FARS2: variants seen among roughly 807,000 people sequenced by gnomAD.
FARS2 encodes the protein phenylalanyl-tRNA synthetase 2, mitochondrial, also known as phenylalanine--tRNA ligase, mitochondrial.
Under a neutral mutation model 46.4 loss-of-function variants are expected in FARS2, and 40 were observed. That is an observed-to-expected ratio of 0.86 (90% CI 0.67 to 1.12). The LOEUF (loss-of-function observed/expected upper bound fraction) is 1.12. FARS2 is among the 50% of genes most tolerant of loss of function. FARS2 has a pLI of 0.00. For synonymous variants in FARS2, 234 were observed against 214.9 expected (o/e 1.09, Z -0.78); for missense variants, 513 against 567.9 (o/e 0.90, Z 0.98).
intron 4 of FARS2, among the ~76,000 whole-genome samples, chr6:5,474,003 C>G (rs1206899350): frequency 6.6e-6 from 1 of 152,190 alleles, no homozygotes; most frequent in Non-Finnish European, 1.5e-5. Context: ...CTCAGGATCC[C>G]TCCTGTTACC....
intron 5 of FARS2, among the ~76,000 whole-genome samples, chr6:5,596,143 T>A (rs1774184667): frequency 6.6e-6 from 1 of 152,126 alleles, no homozygotes; most frequent in South Asian, 2.1e-4. Flanking sequence ...CCCTAAGAGA[T>A]AGGAGAGGTG....
intron 4 of FARS2, among the ~76,000 whole-genome samples, chr6:5,539,483 T>G (rs1003949865): frequency 1.5e-4 from 23 of 150,926 alleles, no homozygotes; most frequent in African/African-American, 5.6e-4. Context: ...CTGCCCGCCT[T>G]GGCCTCCCAA....
intron 6 of FARS2, among the ~76,000 whole-genome samples, chr6:5,672,300 C>G (rs1778514341): frequency 6.6e-6 from 1 of 152,214 alleles, no homozygotes; most frequent in African/African-American, 2.4e-5. Flanking sequence ...CCACCTCAGC[C>G]TCACTATCCC....
intron 5 of FARS2, among the ~76,000 whole-genome samples, chr6:5,588,719 C>T (rs537605823): frequency 9.4e-4 from 143 of 152,322 alleles, no homozygotes; most frequent in Middle Eastern, 3.4e-3. Context: ...CAGTAATCAC[C>T]GTTTATTTGA....
intron 4 of FARS2, among the ~76,000 whole-genome samples, chr6:5,486,746 T>C (rs1310081403): frequency 6.6e-6 from 1 of 152,202 alleles, no homozygotes; most frequent in African/African-American, 2.4e-5. Flanking sequence ...TCCCCCGTGG[T>C]CAGCTGTCAG....
chr6:5,408,442 G>A lies in FARS2; in HGVS notation c.772+3741G>A, dbSNP rs142858847. On this transcript the variant is annotated intron_variant, in intron 3 of 6. Coordinates refer to ENST00000274680, the MANE Select transcript of FARS2 (RefSeq NM_006567.5). ...GTCCACGGAAAGAAGGAAAGAAGAGGCAAGGGGAAGAAAAATGATTGACAG... is the reference window on the plus strand; with the variant it reads ...GTCCACGGAAAGAAGGAAAGAAGAGACAAGGGGAAGAAAAATGATTGACAG... Among the ~76,000 whole-genome samples, 337 of 152,222 alleles carry A rather than the reference G, an allele frequency of 2.2e-3. 5 individuals are homozygous for A. The South Asian group carries it at 0.023, about 10-fold the overall frequency.
intron 6 of FARS2, among the ~76,000 whole-genome samples, chr6:5,719,665 A>G (rs1759762288): frequency 6.6e-6 from 1 of 152,142 alleles, no homozygotes; most frequent in Non-Finnish European, 1.5e-5. Context: ...CAGAAGTTCC[A>G]GGGATGCGGC....
chr6:5,432,350 ATTATATATATAT>A (rs1562036583), intron 4 of FARS2, among the ~76,000 whole-genome samples: 55 of 30,872 alleles, frequency 1.8e-3, no homozygotes, highest in Non-Finnish European at 3.5e-3. Context: ...ATATATATAT[ATTATATATATAT>A]AATATATTAT....
At position 5,651,107 on chromosome 6, in the gene FARS2, C is replaced by G. The variant is rs986251102; in HGVS notation, c.1217+37787C>G. Among the ~76,000 whole-genome samples, 16 of 152,118 alleles carry G rather than the reference C, an allele frequency of 1.1e-4. 1 individual carries two copies. The highest frequency in any genetic ancestry group is 3.9e-4 in the African/African-American group (16 of 41,410). ...CTCTCAGGTATAAAGTAATTAGAGA[C>G]TAAGTGACGGGGAGAGGAGACATCA... is the stretch of plus-strand genomic sequence containing the variant. On this transcript the variant is annotated intron_variant, in intron 6 of 6. Transcript: ENST00000274680.
chr6:5,540,215 G>A (rs961923044), intron 4 of FARS2, among the ~76,000 whole-genome samples: 6 of 152,108 alleles, frequency 3.9e-5, no homozygotes, highest in Non-Finnish European at 5.9e-5. Context: ...ATGATAATTC[G>A]ATTTTGGACT....
chr6:5,668,937 G>T (rs9504485), intron 6 of FARS2, among the ~76,000 whole-genome samples: 9,402 of 152,082 alleles, frequency 0.062, 969 homozygotes, highest in African/African-American at 0.21. Context: ...CTCAGGCGAT[G>T]GACCCGCCTT....
chr6:5,647,579 G>C (rs1432892660), intron 6 of FARS2, among the ~76,000 whole-genome samples: 2 of 152,202 alleles, frequency 1.3e-5, no homozygotes, highest in Admixed American at 1.3e-4. Context: ...CAAAATGGAA[G>C]ATAGATGACT....
At chr6:5,704,370 C>T (rs1345095438) in intron 6 of FARS2, among the ~76,000 whole-genome samples, 1 of 152,198 alleles carries the variant, frequency 6.6e-6, no homozygotes, top group African/African-American at 2.4e-5. Flanking sequence ...CCAAAGGCCC[C>T]ACCTCCTCAG....
intron 5 of FARS2, among the ~76,000 whole-genome samples, chr6:5,546,479 T>G (rs1172793325): frequency 2.0e-5 from 3 of 151,682 alleles, no homozygotes; most frequent in Non-Finnish European, 4.4e-5. Flanking sequence ...CTCAAACTCC[T>G]GACCTTGTGA....
chr6:5,553,148 T>C (rs1051008067), intron 5 of FARS2, among the ~76,000 whole-genome samples: 3 of 152,186 alleles, frequency 2.0e-5, no homozygotes, highest in African/African-American at 4.8e-5. Context: ...TTGGCTGTTA[T>C]CTTTTTTGCC....
intron 5 of FARS2, chr6:5,609,270 C>T: frequency 1.9e-6 from 2 of 1,079,292 alleles, no homozygotes; most frequent in Non-Finnish European, 2.8e-6. Context: ...GCTACTGGAA[C>T]TGCCCTAGCC....
chr6:5,664,440 A>G (rs1778005787), intron 6 of FARS2, among the ~76,000 whole-genome samples: 1 of 152,162 alleles, frequency 6.6e-6, no homozygotes, highest in Non-Finnish European at 1.5e-5. Context: ...TCCCTCGCCC[A>G]GAGTCTGCTT....
chr6:5,727,169 C>T lies in FARS2; in HGVS notation c.1218-44122C>T, dbSNP rs1760321486. On this transcript the variant is annotated intron_variant, in intron 6 of 6. Transcript: ENST00000274680. The surrounding 1 kb of genome is among the most constrained non-coding windows in gnomAD (Gnocchi z 4.1). ...GGCACCCAGGAAGCTGCTCAGTCAA[C>T]AGTAACGGCGGCTGCTGCTGTAGGG... Among the ~76,000 whole-genome samples, 1 of 152,176 alleles carries T rather than the reference C, an allele frequency of 6.6e-6. No homozygotes were observed. Among genetic ancestry groups the T allele is most frequent in the Non-Finnish European group, 1.5e-5 (1 of 68,026 alleles).
intron 5 of FARS2, among the ~76,000 whole-genome samples, chr6:5,595,684 A>G (rs1774158615): frequency 6.6e-6 from 1 of 152,204 alleles, no homozygotes; most frequent in African/African-American, 2.4e-5. Context: ...GGAGAAGCAG[A>G]TGGATCTGAA....
Sources: allele counts gnomAD v4.1 joint callset (sites outside exome capture counted in the v4.1 genomes callset), GRCh38; gene constraint gnomAD v4.1.1; non-coding constraint Gnocchi (gnomAD v3.1); transcripts MANE v1.5; gene names NCBI Gene and HGNC (gene_info 2026-07-23, HGNC 2026-07-21).